Variants in SLC6A3 observed in about 807,000 individuals in gnomAD.
SLC6A3 encodes sodium-dependent dopamine transporter.
In SLC6A3, 19 loss-of-function variants were observed where a neutral mutation model predicts 70.4. That is an observed-to-expected ratio of 0.27 (90% confidence interval 0.19 to 0.40). The LOEUF (loss-of-function observed/expected upper bound fraction) is 0.40, where lower values mean the gene tolerates loss of function less well. Among genes scored for constraint, SLC6A3 ranks in the 10% least tolerant of loss-of-function variants. The pLI, the probability that SLC6A3 is intolerant of heterozygous loss-of-function variation, is 1.00. For missense variants in SLC6A3, 613 were observed against 838.5 expected (o/e 0.73, Z 3.32); for synonymous variants, 368 against 356.6 (o/e 1.03, Z -0.36).
chr5:1,429,689 T>TG (rs776768596), intron 4 of SLC6A3, among the ~76,000 whole-genome samples: 3 of 152,198 alleles, frequency 2.0e-5, no homozygotes, highest in Non-Finnish European at 4.4e-5. Flanking sequence ...AACAGGGCGT[T>TG]GGGTACCGGG....
intron 4 of SLC6A3, among the ~76,000 whole-genome samples, chr5:1,427,693 G>A (rs1756603140): frequency 1.3e-5 from 2 of 152,304 alleles, no homozygotes; most frequent in East Asian, 3.9e-4. Context: ...GTAATGATAC[G>A]AAAGTTGGGG....
At chr5:1,432,789 A>C (rs1301891084) in intron 3 of SLC6A3, 91 bp from the exon 4 acceptor site, 2 of 874,062 alleles carry the variant, frequency 2.3e-6, no homozygotes, top group Non-Finnish European at 3.8e-6. Context: ...CTCACGGGAG[A>C]CATTACCCTG....
At chr5:1,432,861 C>T (rs535550204) in intron 3 of SLC6A3, among the ~76,000 whole-genome samples, 163 bp from the exon 4 acceptor site, 8 of 152,218 alleles carry the variant, frequency 5.3e-5, no homozygotes, top group East Asian at 3.9e-4. Context: ...AGGGAAGGCC[C>T]GTGAAAGGCC....
rs566717862 is a variant in SLC6A3 at position 1,404,161 on chromosome 5, A to T, written c.1600-1072T>A. 1.5e-4 allele frequency among the ~76,000 whole-genome samples: 23 copies of T among 152,370 alleles called. No homozygotes were observed. The South Asian group carries it at 3.9e-3, about 26-fold the overall frequency. On this transcript the variant is annotated intron_variant, in intron 12 of 14. Transcript: ENST00000270349. This position sits in a 1 kb window ranked among gnomAD's most constrained non-coding sequence, Gnocchi z 5.2. ...TGGACGCGTGTCTCATGCCAGTCTCAGCATCTTCTTCATGCGCTACTTCGG... is the reference window on the plus strand; with the variant it reads ...TGGACGCGTGTCTCATGCCAGTCTCTGCATCTTCTTCATGCGCTACTTCGG...
At chr5:1,415,606 G>A (rs143819503) in intron 7 of SLC6A3, among the ~76,000 whole-genome samples, 164 of 152,332 alleles carry the variant, frequency 1.1e-3, no homozygotes, top group African/African-American at 3.5e-3. Context: ...AGCAGATCCC[G>A]GATAAAATTC....
At chr5:1,412,014 G>A (rs1215726852) in intron 8 of SLC6A3, among the ~76,000 whole-genome samples, 3 of 62,214 alleles carry the variant, frequency 4.8e-5, no homozygotes, top group South Asian at 8.0e-4. Context: ...AAACATGCAC[G>A]TGCATGCACA....
chr5:1,419,466 C>T (rs1210836311), intron 6 of SLC6A3, among the ~76,000 whole-genome samples: 1 of 152,238 alleles, frequency 6.6e-6, no homozygotes, highest in Non-Finnish European at 1.5e-5. Context: ...TGTTTTGCCT[C>T]CTCCTGGGGC....
rs774801627 is a variant in SLC6A3, at chr5:1,406,163, G to A, written c.1599+25C>T. 1.7e-5 allele frequency: 26 copies of A among 1,549,772 alleles called. No individual in the cohort carries two copies. The highest frequency in any genetic ancestry group is 1.5e-5 in the Non-Finnish European group (17 of 1,122,534). ...TGGGGGCAGTGGGCAGACGGGGGAA[G>A]GGCAGGTGGCCCGAGGTCCCTTACC... On this transcript the variant is annotated intron_variant, in intron 12 of 14. Transcript: ENST00000270349. The surrounding 1 kb of genome is among the most constrained non-coding windows in gnomAD (Gnocchi z 8.8).
Position 1,396,067 on chromosome 5 carries a change from T to A in SLC6A3, c.1840-1309A>T, listed in dbSNP as rs1383587123. ...CTCTCAGAAAAGTGACACACGCACATCACAGTGATGAGAATTTCACAAGAA... is the reference window on the plus strand; with the variant it reads ...CTCTCAGAAAAGTGACACACGCACAACACAGTGATGAGAATTTCACAAGAA... On this transcript the variant is annotated intron_variant, in intron 14 of 14. Coordinates refer to ENST00000270349, the MANE Select transcript of SLC6A3 (RefSeq NM_001044.5). The surrounding 1 kb of genome is among the most constrained non-coding windows in gnomAD (Gnocchi z 7.0). 6.6e-6 allele frequency among the ~76,000 whole-genome samples: 1 copy of A among 152,060 alleles called. No homozygotes were observed. Among genetic ancestry groups the A allele is most frequent in the Non-Finnish European group, 1.5e-5 (1 of 68,020 alleles).
At chr5:1,420,505 A>T in intron 6 of SLC6A3, 64 bp downstream of exon 6, 4 of 1,596,814 alleles carry the variant, frequency 2.5e-6, no homozygotes, top group South Asian at 2.2e-5. Flanking sequence ...CAGGCAATGC[A>T]TATGGAAACC....
chr5:1,438,059 G>A lies in SLC6A3; in HGVS notation c.418+3300C>T, dbSNP rs1048953. ...GACAGGTAGGCAGAACAAACGGGAC[G>A]CTGGCACCGGAACCTGCAGCGTTAC... On this transcript the variant is annotated intron_variant, in intron 3 of 14. Transcript: ENST00000270349. This position sits in a 1 kb window ranked among gnomAD's most constrained non-coding sequence, Gnocchi z 6.5. Among the ~76,000 whole-genome samples, 41,183 of 152,154 alleles carry A rather than the reference G, an allele frequency of 0.27. 7,275 individuals carry two copies. Among genetic ancestry groups the A allele is most frequent in the Non-Finnish European group, 0.4 (27,467 of 67,970 alleles).
rs1755850853 is a variant in SLC6A3 at position 1,401,502 on chromosome 5, C to T, written c.1768-516G>A. Among the ~76,000 whole-genome samples, 1 of 152,214 alleles carries T rather than the reference C, an allele frequency of 6.6e-6. No individual in the cohort carries two copies. The highest frequency in any genetic ancestry group is 2.4e-5 in the African/African-American group (1 of 41,454). On this transcript the variant is annotated intron_variant, in intron 13 of 14. Transcript: ENST00000270349. The surrounding 1 kb of genome is among the most constrained non-coding windows in gnomAD (Gnocchi z 6.1). Reference sequence around the variant, plus strand: ...TCCTGGGGCCTGGACAGCACCAAGTCCTCCCAGAGCAGGCAGCATCTTCAG... The same window carrying T: ...TCCTGGGGCCTGGACAGCACCAAGTTCTCCCAGAGCAGGCAGCATCTTCAG...
chr5:1,416,879 A>T (rs1756309559), intron 6 of SLC6A3, among the ~76,000 whole-genome samples: 2 of 152,018 alleles, frequency 1.3e-5, no homozygotes, highest in African/African-American at 4.8e-5. Flanking sequence ...GCAGCGTCCT[A>T]ACAACCCTCG....
intron 14 of SLC6A3, among the ~76,000 whole-genome samples, chr5:1,395,634 C>A (rs1347020594): frequency 6.6e-6 from 1 of 152,216 alleles, no homozygotes; most frequent in Admixed American, 6.5e-5. Context: ...CATCCAGGTG[C>A]AGCTCGGGGC....
At position 1,437,927 on chromosome 5, in the gene SLC6A3, G is replaced by A. The variant is rs10068876; in HGVS notation, c.418+3432C>T. 0.19 allele frequency among the ~76,000 whole-genome samples: 29,608 copies of A among 152,196 alleles called. 3,124 individuals are homozygous for A. The highest frequency in any genetic ancestry group is 0.23 in the Non-Finnish European group (15,769 of 68,000). On this transcript the variant is annotated intron_variant, in intron 3 of 14. Coordinates refer to ENST00000270349, the MANE Select transcript of SLC6A3 (RefSeq NM_001044.5). The surrounding 1 kb of genome is among the most constrained non-coding windows in gnomAD (Gnocchi z 4.8). Reference sequence around the variant, plus strand: ...AAAACGTATGCATTTTTATTAACCAGATTTTTAAAAAGGACAAAGGCACAT... The same window carrying A: ...AAAACGTATGCATTTTTATTAACCAAATTTTTAAAAAGGACAAAGGCACAT...
intron 6 of SLC6A3, among the ~76,000 whole-genome samples, chr5:1,416,988 T>G (rs143574024): frequency 1.4e-4 from 21 of 152,046 alleles, no homozygotes; most frequent in South Asian, 4.2e-4. Context: ...CGCGGCGCCC[T>G]GATAACCCTC....
chr5:1,440,359 G>A (rs1222351631), intron 3 of SLC6A3, among the ~76,000 whole-genome samples: 2 of 152,152 alleles, frequency 1.3e-5, no homozygotes, highest in Non-Finnish European at 2.9e-5. Context: ...TGGATGGATG[G>A]ATGGATGGAT....
chr5:1,402,969 T>A lies in SLC6A3; in HGVS notation c.1720A>T (p.Ile574Phe), dbSNP rs1435006505. The A allele has an allele frequency of 6.2e-7, 1 of 1,614,014 alleles. No individual in the cohort carries two copies. The highest frequency in any genetic ancestry group is 1.7e-5 in the Admixed American group (1 of 60,024). ...CTGCAGAACTTGTAGGCCGCATAGA[T>A]GGGCACCATGGCCATGGAGGATGTG... ...IATSSMAMVP[I>F]YAAYKFCSLP... The change falls in exon 13 of 15, where the codon ATC (isoleucine) becomes TTC (phenylalanine). Residue 574 changes from isoleucine (I) to phenylalanine (F), a missense_variant. This residue lies in a region of SLC6A3 where 348 missense variants were observed against 481.2 expected (regional missense o/e 0.72). Transcript: ENST00000270349. The surrounding 1 kb of genome is among the most constrained non-coding windows in gnomAD (Gnocchi z 8.5).
At position 1,405,532 on chromosome 5, in the gene SLC6A3, G is replaced by C. The variant is rs1219155748; in HGVS notation, c.1599+656C>G. The stretch of plus-strand genomic sequence containing the variant: ...GGACAGCTCTTAGGTTGCCTGCCCA[G>C]ATCAGGCAGCACAGCTTTGCTTTGT... On this transcript the variant is annotated intron_variant, in intron 12 of 14. Transcript: ENST00000270349. This position sits in a 1 kb window ranked among gnomAD's most constrained non-coding sequence, Gnocchi z 5.3. Among the ~76,000 whole-genome samples the C allele has an allele frequency of 6.6e-6, 1 of 152,258 alleles. No homozygotes were observed. Among genetic ancestry groups the C allele is most frequent in the Non-Finnish European group, 1.5e-5 (1 of 68,054 alleles).
Sources: gnomAD v4.1 joint callset for allele counts (sites outside exome capture counted in the v4.1 genomes callset) on GRCh38, gnomAD v4.1.1 for gene constraint, gnomAD v4.1.1 regional missense constraint, Gnocchi (gnomAD v3.1) non-coding constraint, MANE v1.5 for transcripts, NCBI Gene and HGNC (gene_info 2026-07-23, HGNC 2026-07-21) for gene names.